PDZD7: variants seen among roughly 807,000 people sequenced by gnomAD.
PDZD7 encodes the protein PDZ domain-containing protein 7.
PDZD7 carries 72 observed loss-of-function variants against 84.7 expected under a neutral mutation model. The observed-to-expected ratio is 0.85, with a 90% CI of 0.70 to 1.03. The LOEUF is 1.03. PDZD7 is among the 50% of genes least tolerant of loss of function. The pLI is 0.00. For synonymous variants in PDZD7, 594 were observed against 580.7 expected, an observed-to-expected ratio of 1.02 and a Z score of -0.33; for missense variants, 1,490 against 1,412.9, an observed-to-expected ratio of 1.05 and a Z score of -0.87.
At chr10:101,028,328 C>G (rs1937840749) in intron 2 of PDZD7, among the ~76,000 whole-genome samples, 1 of 152,292 alleles carries the variant, frequency 6.6e-6, no homozygotes, top group East Asian at 1.9e-4. Context: ...TGGCTCATGC[C>G]TATAATCCCA....
intron 4 of PDZD7, chr10:101,023,202 A>T: frequency 1.8e-6 from 1 of 565,538 alleles, no homozygotes; most frequent in East Asian, 3.1e-5. Context: ...CAGCAGGAGC[A>T]GCGGCAATGT....
chr10:101,011,456 G>A, intron 14 of PDZD7: 1 of 1,242,984 alleles, frequency 8.0e-7, no homozygotes, highest in Non-Finnish European at 1.1e-6. Context: ...TGCATAGAAT[G>A]AGACTAGATT....
In PDZD7 at chr10:101,030,316, G is replaced by A; in HGVS notation, c.-97C>T. 1 of 1,071,936 alleles carries A rather than the reference G, an allele frequency of 9.3e-7. No homozygotes were observed. The highest frequency in any genetic ancestry group is 1.4e-6 in the Non-Finnish European group (1 of 722,630). The allele number at this position is 1,071,936 out of a possible 1,614,324, so 66.4% of individuals were successfully genotyped here. Reference sequence around the variant, plus strand: ...TGCTTCGAGCTCCATGAGCCTCTGTGCGGGGCTGGGGTCTCAGTAACGTGA... The same window carrying A: ...TGCTTCGAGCTCCATGAGCCTCTGTACGGGGCTGGGGTCTCAGTAACGTGA... On this transcript the variant is annotated 5_prime_UTR_variant, in exon 2 of 17. Transcript: ENST00000619208.
At chr10:101,013,417 A>G (rs11190792) in intron 11 of PDZD7, among the ~76,000 whole-genome samples, 3,801 of 152,276 alleles carry the variant, frequency 0.025, 153 homozygotes, top group African/African-American at 0.082. Flanking sequence ...ACCATGGGCA[A>G]TGGGGCACAG....
intron 7 of PDZD7, among the ~76,000 whole-genome samples, 187 bp downstream of exon 7, chr10:101,020,431 T>G (rs1853018912): frequency 6.6e-6 from 1 of 151,920 alleles, no homozygotes; most frequent in South Asian, 2.1e-4. Flanking sequence ...AGAGACGAGG[T>G]CTACCTATAT....
intron 8 of PDZD7, among the ~76,000 whole-genome samples, chr10:101,018,599 A>G (rs921276907): frequency 4.6e-5 from 7 of 152,164 alleles, no homozygotes; most frequent in South Asian, 4.1e-4. Context: ...GGCTGGGGTT[A>G]GGGCTGGTTC....
intron 11 of PDZD7, 70 bp downstream of exon 11, chr10:101,015,566 G>A: frequency 6.7e-7 from 1 of 1,501,734 alleles, no homozygotes. Context: ...GTGGACAGTG[G>A]CCTGAATGAA....
rs1427779016 is a variant in PDZD7 at position 101,023,935 on chromosome 10, G to A, written c.360C>T (p.Ser120=). ...GIFVSKVEEG[S]SAERAGLCVG... The stretch of plus-strand genomic sequence containing the variant: ...CCTGGGGGTTCTGCTTACCTGCACT[G>A]CTGCCTTCCTCCACTTTGCTGACGA... Residue 120 remains serine (S), a synonymous_variant, in exon 3 of 17, where the codon AGC becomes AGT. Transcript: ENST00000619208. The A allele has an allele frequency of 6.2e-7, 1 of 1,614,208 alleles. No individual in the cohort carries two copies. The highest frequency in any genetic ancestry group is 8.5e-7 in the Non-Finnish European group (1 of 1,180,014).
At position 101,024,198 on chromosome 10, in the gene PDZD7, T is replaced by C. The variant is rs11190797; in HGVS notation, c.227-130A>G. 0.14 allele frequency: 180,569 copies of C among 1,275,740 alleles called. 18,483 individuals are homozygous for C. Among genetic ancestry groups the C allele is most frequent in the African/African-American group, 0.47 (32,358 of 68,702 alleles). The allele number at this position is 1,275,740 out of a possible 1,614,324, so 79.0% of individuals were successfully genotyped here. ...TCACACAGGCACGTAGGGGCCTAAA[T>C]GCAGTGGGGCAGGTCAGCCCATTTC... On this transcript the variant is annotated intron_variant, in intron 2 of 16. Transcript: ENST00000619208.
chr10:101,024,160 T>C (rs1319023047), intron 2 of PDZD7, 92 bp from the exon 3 acceptor site: 4 of 1,591,936 alleles, frequency 2.5e-6, no homozygotes, highest in Non-Finnish European at 3.4e-6. Flanking sequence ...AAAGGCTAGG[T>C]TGCTGGGCAC....
rs962100685 is a variant in PDZD7 at position 101,012,012 on chromosome 10, C to G, written c.1846G>C (p.Val616Leu). Reference protein sequence around the residue: ...KLLLLQDIRSVVAPTDLGRFD... With the variant: ...KLLLLQDIRSLVAPTDLGRFD... ...CGGCCCAGGTCTGTGGGGGCCACCA[C>G]ACTCCTGGGAGAGGGCGAGAGACAG... The change falls in exon 13 of 17, where the codon GTG (valine) becomes CTG (leucine). Residue 616 changes from valine (V) to leucine (L), a missense_variant. By Grantham distance (32) the Val-to-Leu change is conservative. Coordinates refer to ENST00000619208, the MANE Select transcript of PDZD7 (RefSeq NM_001195263.2). The G allele has an allele frequency of 6.5e-7, 1 of 1,550,292 alleles. No homozygotes were observed. Among genetic ancestry groups the G allele is most frequent in the Non-Finnish European group, 8.7e-7 (1 of 1,146,894 alleles).
At chr10:101,011,005 G>T in intron 14 of PDZD7, 122 bp from the exon 15 acceptor site, 1 of 1,494,676 alleles carries the variant, frequency 6.7e-7, no homozygotes, top group East Asian at 2.5e-5. Context: ...ACTGCAGTGC[G>T]GCCCACCCAC....
At chr10:101,017,016 C>T (rs763782740) in intron 9 of PDZD7, among the ~76,000 whole-genome samples, 3 of 152,182 alleles carry the variant, frequency 2.0e-5, no homozygotes, top group Non-Finnish European at 4.4e-5. Flanking sequence ...CTGAAAACAG[C>T]ACCCTGATTT....
chr10:101,023,070 C>CTT lies in PDZD7; in HGVS notation c.542+364_542+365dup, dbSNP rs1161602421. 922 of 127,860 alleles carry CTT rather than the reference C, an allele frequency of 7.2e-3. 182 individuals carry two copies. The highest frequency in any genetic ancestry group is 0.049 in the African/African-American group (714 of 14,464). The allele number at this position is 127,860 out of a possible 1,614,324, so 7.9% of individuals were successfully genotyped here. A position where few individuals can be genotyped will look rare whatever the true frequency, so the allele number is the denominator to read the frequency against. On this transcript the variant is annotated intron_variant, in intron 4 of 16. Transcript: ENST00000619208. ...TACAGGCTTGAGCCACCATGCCCGG[C>CTT]TTTTTTTTTTTTTTTTTTTTTTTTT...
chr10:101,020,497 C>T, intron 7 of PDZD7, 121 bp downstream of exon 7: 1 of 954,050 alleles, frequency 1.0e-6, no homozygotes, highest in East Asian at 2.6e-5. Flanking sequence ...CTCAGCCTCC[C>T]AAAATGCTGG....
chr10:101,024,654 G>A (rs375595962), intron 2 of PDZD7, among the ~76,000 whole-genome samples: 37 of 151,930 alleles, frequency 2.4e-4, no homozygotes, highest in Non-Finnish European at 5.1e-4. Flanking sequence ...AGTGGTGTAT[G>A]CCTGTGGTCC....
intron 6 of PDZD7, 137 bp from the exon 7 acceptor site, chr10:101,020,815 C>G (rs1853049900): frequency 1.5e-6 from 1 of 689,652 alleles, no homozygotes; most frequent in Non-Finnish European, 2.5e-6. Context: ...TCTGGCCGCA[C>G]AGGCCACTTT....
In PDZD7 at chr10:101,020,682, G is replaced by C; in HGVS notation, c.868-4C>G. On this transcript the variant is annotated splice_region_variant and splice_polypyrimidine_tract_variant and intron_variant, in intron 6 of 16. Coordinates refer to ENST00000619208, the MANE Select transcript of PDZD7 (RefSeq NM_001195263.2). Reference sequence around the variant, plus strand: ...AGGCAGGATACCGGCCGGTCTCCTGGGGAGGGGATGGTGGGCATAGGAGGG... The same window carrying C: ...AGGCAGGATACCGGCCGGTCTCCTGCGGAGGGGATGGTGGGCATAGGAGGG... The C allele has an allele frequency of 6.2e-7, 1 of 1,613,090 alleles. No individual in the cohort carries two copies. The highest frequency in any genetic ancestry group is 1.3e-5 in the African/African-American group (1 of 75,022).
chr10:101,025,677 A>G (rs950140044), intron 2 of PDZD7, among the ~76,000 whole-genome samples: 5 of 151,332 alleles, frequency 3.3e-5, no homozygotes, highest in African/African-American at 9.8e-5. Flanking sequence ...CCTCCCGAGT[A>G]GCTGGGACTA....
Sources: gnomAD v4.1 joint callset for allele counts (sites outside exome capture counted in the v4.1 genomes callset) on GRCh38, gnomAD v4.1.1 for gene constraint, MANE v1.5 for transcripts, NCBI Gene and HGNC (gene_info 2026-07-23, HGNC 2026-07-21) for gene names.